The following RHOBTB1 variants were observed in gnomAD, a reference collection of about 807,000 sequenced individuals.
RHOBTB1 encodes the protein rho-related BTB domain-containing protein 1.
Under a neutral mutation model 71.6 loss-of-function variants are expected in RHOBTB1, and 40 were observed. The ratio of observed to expected loss-of-function variants is 0.56; its 90% confidence interval spans 0.43 to 0.73. RHOBTB1 has a LOEUF of 0.73. RHOBTB1 is among the 30% of genes least tolerant of loss of function. RHOBTB1 has a pLI of 0.00. For synonymous variants in RHOBTB1, 319 were observed against 334.9 expected (o/e 0.95, Z 0.52); for missense variants, 797 against 894.0 (o/e 0.89, Z 1.38).
intron 2 of RHOBTB1, 78 bp from the exon 3 acceptor site, chr10:60,911,630 GT>G: frequency 8.1e-7 from 1 of 1,233,910 alleles, no homozygotes; most frequent in South Asian, 1.3e-5. Flanking sequence ...GGTTCAGGGA[GT>G]TTTGCCTTCG....
chr10:60,885,050 C>T (rs1449978983), intron 7 of RHOBTB1, among the ~76,000 whole-genome samples: 1 of 152,060 alleles, frequency 6.6e-6, no homozygotes, highest in Non-Finnish European at 1.5e-5. Flanking sequence ...TCCCAAGTAC[C>T]TAGGACCACA....
intron 3 of RHOBTB1, 76 bp from the exon 4 acceptor site, chr10:60,911,066 C>T (rs780433863): frequency 1.1e-5 from 12 of 1,112,168 alleles, no homozygotes; most frequent in East Asian, 2.4e-5. Context: ...CAAGTCAGCA[C>T]CCTCAGTGCC....
At position 60,889,100 on chromosome 10, in the gene RHOBTB1, C is replaced by T. The variant is rs753944672; in HGVS notation, c.568G>A (p.Val190Met). The T allele has an allele frequency of 7.4e-6, 12 of 1,614,040 alleles. No individual in the cohort carries two copies. The highest frequency in any genetic ancestry group is 2.2e-5 in the East Asian group (1 of 44,890). ...ELGLPYYETSVFDQFGIKDVF... is the reference protein window; with the variant it reads ...ELGLPYYETSMFDQFGIKDVF... ...TCCTTGATACCAAACTGGTCAAACA[C>T]GCTTGTTTCATAGTATGGTAAGCCA... The change falls in exon 6 of 11, where the codon GTG (valine) becomes ATG (methionine). Residue 190 changes from valine (V) to methionine (M), a missense_variant. Physicochemically the swap from Val to Met is conservative, Grantham distance 21 (BLOSUM62 1). Around this residue, in one of 2 missense-constraint regions of RHOBTB1, gnomAD observed 658 missense variants for 681.5 expected, o/e 0.97. Coordinates refer to ENST00000337910, the MANE Select transcript of RHOBTB1 (RefSeq NM_014836.5).
chr10:60,871,908 T>C (rs2080806509), intron 10 of RHOBTB1: 1 of 603,834 alleles, frequency 1.7e-6, no homozygotes, highest in Non-Finnish European at 2.9e-6. Flanking sequence ...TAAGCTTGTC[T>C]CCCTAAACAA....
At chr10:60,897,236 G>C (rs1179106205) in intron 4 of RHOBTB1, among the ~76,000 whole-genome samples, 1 of 152,150 alleles carries the variant, frequency 6.6e-6, no homozygotes, top group Non-Finnish European at 1.5e-5. Context: ...CAGAGTTGGT[G>C]GGAAAAGATC....
At chr10:60,866,439 G>A (rs2080635726), downstream of RHOBTB1, among the ~76,000 whole-genome samples, 1 of 152,198 alleles carries the variant, frequency 6.6e-6, no homozygotes, top group Non-Finnish European at 1.5e-5. Flanking sequence ...CATGTTTAAA[G>A]ACATACATTG....
intron 4 of RHOBTB1, among the ~76,000 whole-genome samples, chr10:60,896,068 T>A (rs1334798361): frequency 1.3e-5 from 2 of 152,258 alleles, no homozygotes; most frequent in African/African-American, 4.8e-5. Context: ...CATTTTTTTT[T>A]AATCTAGTCA....
rs1261908615 is a variant in RHOBTB1 at position 60,910,995 on chromosome 10, A to G, written c.193-5T>C. ...ATCCCGAGAACGCTCCAAGACCTGC[A>G]GGAGAGAGAGAGAGCATCTGTGCTC... On this transcript the variant is annotated splice_region_variant and splice_polypyrimidine_tract_variant and intron_variant, in intron 3 of 10. Coordinates refer to ENST00000337910, the MANE Select transcript of RHOBTB1 (RefSeq NM_014836.5). 2 of 1,611,330 alleles carry G rather than the reference A, an allele frequency of 1.2e-6. No homozygotes were observed. Among genetic ancestry groups the G allele is most frequent in the Non-Finnish European group, 1.7e-6 (2 of 1,177,792 alleles).
At chr10:60,892,038 G>A (rs1268264742) in intron 5 of RHOBTB1, among the ~76,000 whole-genome samples, 2 of 152,150 alleles carry the variant, frequency 1.3e-5, no homozygotes, top group Non-Finnish European at 2.9e-5. Flanking sequence ...CTTCCCCTCT[G>A]CCATGATTGC....
At chr10:60,988,765 C>T (rs2086758499) in intron 1 of RHOBTB1, among the ~76,000 whole-genome samples, 1 of 152,172 alleles carries the variant, frequency 6.6e-6, no homozygotes, top group African/African-American at 2.4e-5. Context: ...GTGAAGAACA[C>T]ATGAATTAAT....
At chr10:60,980,077 A>C (rs1372287755) in intron 2 of RHOBTB1, among the ~76,000 whole-genome samples, 1 of 152,158 alleles carries the variant, frequency 6.6e-6, no homozygotes. Flanking sequence ...CAAGGAGCAA[A>C]ATTATATGAT....
intron 6 of RHOBTB1, among the ~76,000 whole-genome samples, chr10:60,886,715 T>G: frequency 8.0e-6 from 1 of 124,454 alleles, no homozygotes; most frequent in Non-Finnish European, 1.7e-5. Context: ...TTTTAAGAGA[T>G]GTGGGGGGGG....
chr10:60,931,175 AT>A (rs1023092036), intron 2 of RHOBTB1, among the ~76,000 whole-genome samples: 1 of 152,196 alleles, frequency 6.6e-6, no homozygotes, highest in Non-Finnish European at 1.5e-5. Flanking sequence ...TTTTAAAAAA[AT>A]GTGAGATAAA....
In RHOBTB1 at chr10:60,911,522, G is replaced by T. The variant is rs369218859; in HGVS notation, c.21C>A (p.Tyr7Ter). Residue 7 changes from tyrosine (Y) to a stop codon, truncating the protein, a stop_gained, in exon 3 of 11, where the codon TAC becomes TAA. Transcript: ENST00000337910. LOFTEE classifies it high-confidence loss of function. MDADMDYERPNVETIKC... is the reference protein window; with the variant it reads MDADMD Reference sequence around the variant, plus strand: ...TGATAGTTTCAACGTTGGGTCTTTCGTAGTCCATGTCAGCGTCCATTTATG... The same window carrying T: ...TGATAGTTTCAACGTTGGGTCTTTCTTAGTCCATGTCAGCGTCCATTTATG... The T allele has an allele frequency of 1.2e-6, 2 of 1,614,048 alleles. No individual in the cohort carries two copies. The highest frequency in any genetic ancestry group is 1.7e-6 in the Non-Finnish European group (2 of 1,180,004).
At chr10:60,945,567 A>G (rs919194771), upstream of RHOBTB1, among the ~76,000 whole-genome samples, 1 of 152,188 alleles carries the variant, frequency 6.6e-6, no homozygotes, top group Non-Finnish European at 1.5e-5. Context: ...CCCTCCAGCC[A>G]AGATTCCCAG....
the RHOBTB1 span, among the ~76,000 whole-genome samples, chr10:60,862,527 C>CT: frequency 1.4e-3 from 204 of 149,294 alleles, no homozygotes; most frequent in African/African-American, 4.8e-3. Flanking sequence ...TCTCTCTCTC[C>CT]CTTTCTTTCT....
chr10:60,895,067 C>T (rs1191300393), intron 4 of RHOBTB1, among the ~76,000 whole-genome samples: 2 of 152,182 alleles, frequency 1.3e-5, no homozygotes, highest in South Asian at 2.1e-4. Flanking sequence ...AAAAAGGAAT[C>T]TTGTGATGAT....
chr10:60,991,594 C>T (rs1214815378), intron 1 of RHOBTB1, among the ~76,000 whole-genome samples: 1 of 152,034 alleles, frequency 6.6e-6, no homozygotes, highest in Non-Finnish European at 1.5e-5. Flanking sequence ...CCATGCCCGG[C>T]TAATTTTTGT....
At chr10:60,968,553 T>C (rs2086049554) in intron 2 of RHOBTB1, among the ~76,000 whole-genome samples, 1 of 152,088 alleles carries the variant, frequency 6.6e-6, no homozygotes, top group Non-Finnish European at 1.5e-5. Flanking sequence ...TTGCTGACCA[T>C]CTTTGAGGAG....
Sources: gnomAD v4.1 joint callset for allele counts (sites outside exome capture counted in the v4.1 genomes callset) on GRCh38, gnomAD v4.1.1 for gene constraint, gnomAD v4.1.1 regional missense constraint, MANE v1.5 for transcripts, NCBI Gene and HGNC (gene_info 2026-07-23, HGNC 2026-07-21) for gene names.